DTD1: variants seen among roughly 807,000 people sequenced by gnomAD.
The protein encoded by DTD1 is D-tyrosyl-tRNA deacylase 1 homolog.
A neutral mutation model predicts 25.6 loss-of-function variants in DTD1; 13 were observed. The ratio of observed to expected loss-of-function variants is 0.51; its 90% CI spans 0.33 to 0.81. DTD1 has a LOEUF of 0.81. DTD1 is among the 30% of genes least tolerant of loss of function. DTD1 has a pLI of 0.02. For synonymous variants in DTD1, 110 were observed against 103.6 expected, an observed-to-expected ratio of 1.06 and a Z score of -0.37; for missense variants, 193 against 266.4, an observed-to-expected ratio of 0.72 and a Z score of 1.92.
chr20:18,708,262 AT>A (rs1244321776), intron 4 of DTD1, among the ~76,000 whole-genome samples: 1 of 35,654 alleles, frequency 2.8e-5, no homozygotes, highest in South Asian at 7.7e-4. Flanking sequence ...TTATATATAT[AT>A]TTTATATATA....
chr20:18,727,730 A>C (rs965370933), intron 4 of DTD1, among the ~76,000 whole-genome samples: 1 of 152,088 alleles, frequency 6.6e-6, no homozygotes, highest in Non-Finnish European at 1.5e-5. Flanking sequence ...TGGGCATTCC[A>C]TGTAAAGGAG....
At chr20:18,669,761 C>CG (rs905219628) in intron 4 of DTD1, among the ~76,000 whole-genome samples, 6 of 152,008 alleles carry the variant, frequency 3.9e-5, no homozygotes, top group African/African-American at 9.7e-5. Context: ...CAATCGCTCC[C>CG]GGGGGGGTCT....
intron 2 of DTD1, 83 bp from the exon 3 acceptor site, chr20:18,595,923 A>G: frequency 8.4e-7 from 1 of 1,191,882 alleles, no homozygotes; most frequent in Admixed American, 1.7e-5. Context: ...TTTGACCGGA[A>G]GCTGGTGACA....
rs145953133 is a variant in DTD1, at chr20:18,677,653, G to A, written c.477+49420G>A. Among the ~76,000 whole-genome samples, 73 of 152,178 alleles carry A rather than the reference G, an allele frequency of 4.8e-4. 1 individual carries two copies. The highest frequency in any genetic ancestry group is 1.7e-3 in the African/African-American group (72 of 41,516). On this transcript the variant is annotated intron_variant, in intron 4 of 5. Coordinates refer to ENST00000377452, the MANE Select transcript of DTD1 (RefSeq NM_080820.6). ...TCCAGAGTGTCTAGAACCTTCCACCGATACAGTTTTATTAAATTCCCCCCA... is the reference window on the plus strand; with the variant it reads ...TCCAGAGTGTCTAGAACCTTCCACCAATACAGTTTTATTAAATTCCCCCCA...
Position 18,708,285 on chromosome 20 carries a change from T to TTATATATATATTTTA in DTD1, c.478-35804_478-35803insTTTATATATATATAT, listed in dbSNP as rs1568676943. 2.9e-3 allele frequency among the ~76,000 whole-genome samples: 104 copies of TTATATATATATTTTA among 35,724 alleles called. 3 individuals are homozygous for TTATATATATATTTTA. The highest frequency in any genetic ancestry group is 0.01 in the African/African-American group (99 of 9,878). 23.4% of individuals were successfully genotyped at this position (35,724 alleles called of 152,430 possible). ...ATATTTTATATATATATAATATATA[T>TTATATATATATTTTA]TATATATATATAATATATATATTTT... is the stretch of plus-strand genomic sequence containing the variant. On this transcript the variant is annotated intron_variant, in intron 4 of 5. Transcript: ENST00000377452.
At chr20:18,622,055 CT>C (rs1225234890) in intron 3 of DTD1, among the ~76,000 whole-genome samples, 1 of 128,914 alleles carries the variant, frequency 7.8e-6, no homozygotes, top group African/African-American at 2.6e-5. Context: ...CAGAGCGAGA[CT>C]CTGTCTCAAA....
chr20:18,751,084 T>TGGGG (rs2061319749), intron 5 of DTD1, among the ~76,000 whole-genome samples: 1 of 151,312 alleles, frequency 6.6e-6, no homozygotes, highest in East Asian at 1.9e-4. Flanking sequence ...TGTGTGTGTG[T>TGGGG]GGGTGTGTGT....
chr20:18,719,559 C>T (rs750893861), intron 4 of DTD1, among the ~76,000 whole-genome samples: 1 of 152,164 alleles, frequency 6.6e-6, no homozygotes, highest in South Asian at 2.1e-4. Context: ...TGGAAACAGG[C>T]GTTGTTTGTG....
intron 4 of DTD1, among the ~76,000 whole-genome samples, chr20:18,736,545 G>A (rs372881753): frequency 6.6e-6 from 1 of 152,178 alleles, no homozygotes; most frequent in Non-Finnish European, 1.5e-5. Flanking sequence ...GAGGCAAATC[G>A]CAATTCCCTG....
chr20:18,730,997 A>G (rs2061237621), intron 4 of DTD1, among the ~76,000 whole-genome samples: 1 of 152,116 alleles, frequency 6.6e-6, no homozygotes, highest in African/African-American at 2.4e-5. Context: ...TTATTCACCC[A>G]ACATATAGTT....
At chr20:18,755,702 A>G (rs371808094) in intron 5 of DTD1, among the ~76,000 whole-genome samples, 2 of 152,084 alleles carry the variant, frequency 1.3e-5, no homozygotes, top group African/African-American at 2.4e-5. Flanking sequence ...CCAAGTCTTT[A>G]CTATTGTGAA....
At position 18,740,120 on chromosome 20, in the gene DTD1, G is replaced by C. The variant is rs538219171; in HGVS notation, c.478-3980G>C. ...ACAGAGTCGAATGACACTACGAGGA[G>C]CTGAGAAGCCTCCAGAGGGCTGTGC... On this transcript the variant is annotated intron_variant, in intron 4 of 5. Coordinates refer to ENST00000377452, the MANE Select transcript of DTD1 (RefSeq NM_080820.6). Among the ~76,000 whole-genome samples the C allele has an allele frequency of 3.3e-5, 5 of 152,278 alleles. No individual in the cohort carries two copies. In the South Asian group the frequency reaches 1.0e-3, roughly 32 times the overall value.
chr20:18,629,320 A>C (rs1163820504), intron 4 of DTD1, among the ~76,000 whole-genome samples: 1 of 19,316 alleles, frequency 5.2e-5, no homozygotes, highest in Non-Finnish European at 1.2e-4. Context: ...TTTTTTTTTG[A>C]GACAGGGTCT....
intron 1 of DTD1, among the ~76,000 whole-genome samples, chr20:18,593,207 A>C (rs1156958137): frequency 1.3e-5 from 2 of 152,202 alleles, no homozygotes; most frequent in Non-Finnish European, 2.9e-5. Flanking sequence ...AGCTTAATAC[A>C]TAAATTGTGA....
At chr20:18,591,261 A>T (rs966994254) in intron 1 of DTD1, among the ~76,000 whole-genome samples, 2 of 152,200 alleles carry the variant, frequency 1.3e-5, no homozygotes, top group African/African-American at 4.8e-5. Context: ...TCATGTTAAG[A>T]TAATTATAAA....
At chr20:18,715,503 A>G (rs759278417) in intron 4 of DTD1, among the ~76,000 whole-genome samples, 8 of 152,124 alleles carry the variant, frequency 5.3e-5, no homozygotes, top group Non-Finnish European at 1.2e-4. Flanking sequence ...ATCAGACGAG[A>G]CCGGGTGCAT....
chr20:18,690,682 A>G (rs2061042357), intron 4 of DTD1, among the ~76,000 whole-genome samples: 1 of 151,900 alleles, frequency 6.6e-6, no homozygotes, highest in South Asian at 2.1e-4. Flanking sequence ...TGGGTTCTGT[A>G]TTCTGTTACA....
chr20:18,643,743 T>G (rs969932522), intron 4 of DTD1: 13 of 152,230 alleles, frequency 8.5e-5, no homozygotes, highest in Admixed American at 6.5e-4. Context: ...CCTCAGTCTT[T>G]CCTTGATTTT....
At chr20:18,648,830 AC>A (rs2060860330) in intron 4 of DTD1, among the ~76,000 whole-genome samples, 1 of 151,786 alleles carries the variant, frequency 6.6e-6, no homozygotes, top group Non-Finnish European at 1.5e-5. Context: ...CCTCGTCTCT[AC>A]TAAAAATACA....
Sources: gnomAD v4.1 joint callset for allele counts (sites outside exome capture counted in the v4.1 genomes callset) on GRCh38, gnomAD v4.1.1 for gene constraint, MANE v1.5 for transcripts, NCBI Gene and HGNC (gene_info 2026-07-23, HGNC 2026-07-21) for gene names.